The following PLCH2 variants were observed in gnomAD, a reference collection of about 807,000 sequenced individuals.
PLCH2 encodes the protein phospholipase C eta 2, also known as 1-phosphatidylinositol 4,5-bisphosphate phosphodiesterase eta-2.
Under a neutral mutation model 134.7 loss-of-function variants are expected in PLCH2, and 98 were observed. That is an observed-to-expected ratio of 0.73 (90% CI 0.62 to 0.86). The LOEUF is 0.86. PLCH2 is among the 40% of genes least tolerant of loss of function. The pLI, the probability that PLCH2 is intolerant of heterozygous loss-of-function variation, is 0.00. For synonymous variants in PLCH2, 974 were observed against 827.5 expected, an observed-to-expected ratio of 1.18 and a Z score of -3.04; for missense variants, 1,994 against 1,986.6, an observed-to-expected ratio of 1.00 and a Z score of -0.07.
At chr1:2,501,988 C>T (rs1643249840) in intron 20 of PLCH2, 124 bp from the exon 21 acceptor site, 1 of 891,620 alleles carries the variant, frequency 1.1e-6, no homozygotes, top group South Asian at 1.9e-5. Flanking sequence ...TGAGGTGGCC[C>T]AGCCCCTCGG....
intron 11 of PLCH2, among the ~76,000 whole-genome samples, chr1:2,491,877 G>A (rs2100699231): frequency 6.6e-6 from 1 of 151,784 alleles, no homozygotes; most frequent in East Asian, 1.9e-4. Context: ...CGCCTGTGCT[G>A]GGGACACGGT....
At chr1:2,453,884 G>C (rs1388790064) in intron 2 of PLCH2, among the ~76,000 whole-genome samples, 2 of 152,150 alleles carry the variant, frequency 1.3e-5, no homozygotes, top group African/African-American at 2.4e-5. Flanking sequence ...GGGGCTGCTG[G>C]AGGGGCCTGG....
intron 2 of PLCH2, among the ~76,000 whole-genome samples, chr1:2,431,482 C>T (rs1047199252): frequency 1.4e-4 from 22 of 152,264 alleles, no homozygotes; most frequent in Middle Eastern, 3.4e-3. Context: ...CAGCCCCTGC[C>T]GGGCTTGGGG....
intron 10 of PLCH2, 142 bp downstream of exon 10, chr1:2,490,009 G>A (rs762861865): frequency 1.2e-4 from 78 of 657,754 alleles, no homozygotes; most frequent in Non-Finnish European, 2.0e-4. Context: ...AGCGGCCTGG[G>A]GCCTGGGGGG....
At chr1:2,473,125 G>T (rs967725973), upstream of PLCH2, among the ~76,000 whole-genome samples, 1 of 152,096 alleles carries the variant, frequency 6.6e-6, no homozygotes, top group African/African-American at 2.4e-5. Flanking sequence ...TTCTGACAGC[G>T]CGCGCTCTTC....
intron 2 of PLCH2, among the ~76,000 whole-genome samples, chr1:2,433,391 G>A (rs1482436933): frequency 6.6e-6 from 1 of 152,224 alleles, no homozygotes; most frequent in Non-Finnish European, 1.5e-5. Flanking sequence ...GGGCTGCTGA[G>A]GCCCATCCGG....
At chr1:2,449,314 A>C (rs1348139115) in intron 2 of PLCH2, among the ~76,000 whole-genome samples, 1 of 152,120 alleles carries the variant, frequency 6.6e-6, no homozygotes. Flanking sequence ...AACATGGTGA[A>C]ACCCTGTCTC....
intron 18 of PLCH2, 61 bp from the exon 19 acceptor site, chr1:2,499,023 C>G (rs1205627640): frequency 6.4e-7 from 1 of 1,556,416 alleles, no homozygotes; most frequent in African/African-American, 1.4e-5. Context: ...GGGCTCCAGG[C>G]TGGAGCGGTG....
intron 2 of PLCH2, among the ~76,000 whole-genome samples, chr1:2,454,891 T>C (rs1640414546): frequency 6.6e-6 from 1 of 152,138 alleles, no homozygotes; most frequent in Non-Finnish European, 1.5e-5. Context: ...CAGGAGCCCC[T>C]TGGAGCCCTC....
At chr1:2,432,807 G>T (rs1034753864) in intron 2 of PLCH2, among the ~76,000 whole-genome samples, 8 of 152,212 alleles carry the variant, frequency 5.3e-5, no homozygotes, top group Non-Finnish European at 1.0e-4. Context: ...AGCAGGGAGG[G>T]TCCCCAACTC....
rs899456038 is a variant in PLCH2 at position 2,489,942 on chromosome 1, G to A, written c.1515+75G>A. 3.6e-6 allele frequency: 4 copies of A among 1,120,476 alleles called. No individual in the cohort carries two copies. In the African/African-American group the frequency reaches 4.6e-5, roughly 13 times the overall value. The allele number at this position is 1,120,476 out of a possible 1,614,324, so 69.4% of individuals were successfully genotyped here. A position where few individuals can be genotyped will look rare whatever the true frequency, so the allele number is the denominator to read the frequency against. ...AGAACAGCTGTCCGTCCTTGCTGTTGGGGCGAGTTAGAAAGGGAGGCATCC... is the reference window on the plus strand; with the variant it reads ...AGAACAGCTGTCCGTCCTTGCTGTTAGGGCGAGTTAGAAAGGGAGGCATCC... On this transcript the variant is annotated intron_variant, in intron 10 of 21. Coordinates refer to ENST00000378486, the MANE Select transcript of PLCH2 (RefSeq NM_014638.4).
chr1:2,505,092 G>A lies in PLCH2; in HGVS notation c.4130G>A (p.Gly1377Asp). The A allele has an allele frequency of 6.5e-7, 1 of 1,539,794 alleles. No individual in the cohort carries two copies. The highest frequency in any genetic ancestry group is 8.7e-7 in the Non-Finnish European group (1 of 1,150,548). The change falls in exon 22 of 22, where the codon GGC (glycine) becomes GAC (aspartate). Residue 1377 changes from glycine to aspartate, a missense_variant. By Grantham distance (94) the Gly-to-Asp change is moderately conservative. Coordinates refer to ENST00000378486, the MANE Select transcript of PLCH2 (RefSeq NM_014638.4). ...GRQGPPEEER[G>D]TPEGACSVGH... ...CAGGGACCCCCAGAAGAGGAGCGGG[G>A]CACCCCCGAGGGCGCCTGCTCCGTG...
chr1:2,480,459 A>T, intron 4 of PLCH2, 147 bp downstream of exon 4: 1 of 941,588 alleles, frequency 1.1e-6, no homozygotes, highest in Non-Finnish European at 1.6e-6. Flanking sequence ...GCTGCTGAGG[A>T]TGGGGCTGTC....
chr1:2,427,671 G>A (rs577414684), intron 1 of PLCH2, among the ~76,000 whole-genome samples: 6 of 152,312 alleles, frequency 3.9e-5, no homozygotes, highest in Middle Eastern at 3.4e-3. Flanking sequence ...GGAGCAGGCC[G>A]GGGCTTGTGG....
At chr1:2,434,214 G>GGCCGCGCCTGGGCAGGGGGC (rs1553238068) in intron 2 of PLCH2, among the ~76,000 whole-genome samples, 5 of 152,352 alleles carry the variant, frequency 3.3e-5, no homozygotes, top group African/African-American at 1.2e-4. Flanking sequence ...GGCCGGCGGG[G>GGCCGCGCCTGGGCAGGGGGC]GCCGCGCCTG....
intron 11 of PLCH2, chr1:2,494,319 T>G (rs1642753194): frequency 5.8e-6 from 1 of 172,354 alleles, no homozygotes; most frequent in South Asian, 1.2e-4. Context: ...TATACAGCGG[T>G]AGGAAGGCTC....
intron 2 of PLCH2, among the ~76,000 whole-genome samples, chr1:2,443,995 C>T (rs1265261393): frequency 6.6e-6 from 1 of 152,166 alleles, no homozygotes; most frequent in Non-Finnish European, 1.5e-5. Flanking sequence ...CCTGCCGCTG[C>T]GCCGCTGCCA....
At chr1:2,471,953 G>A (rs1363100739), upstream of PLCH2, among the ~76,000 whole-genome samples, 1 of 152,190 alleles carries the variant, frequency 6.6e-6, no homozygotes, top group Admixed American at 6.5e-5. Flanking sequence ...GCTGCCAGAG[G>A]AGAGGGCAGA....
At chr1:2,461,318 C>T (rs1640791494) in intron 2 of PLCH2, among the ~76,000 whole-genome samples, 2 of 152,220 alleles carry the variant, frequency 1.3e-5, no homozygotes, top group Admixed American at 1.3e-4. Context: ...ACCCACCGAC[C>T]TTGGCCAGGG....
Sources: gnomAD v4.1 joint callset for allele counts (sites outside exome capture counted in the v4.1 genomes callset) on GRCh38, gnomAD v4.1.1 for gene constraint, MANE v1.5 for transcripts, NCBI Gene and HGNC (gene_info 2026-07-23, HGNC 2026-07-21) for gene names.